The following RAB2A variants were observed in gnomAD, a reference collection of about 807,000 sequenced individuals.
RAB2A encodes the protein ras-related protein Rab-2A.
A neutral mutation model predicts 32.5 loss-of-function variants in RAB2A; 7 were observed. The observed-to-expected ratio is 0.22, with a 90% CI of 0.12 to 0.40. RAB2A has a LOEUF of 0.40. Among genes scored for constraint, RAB2A ranks in the 10% least tolerant of loss-of-function variants. The probability of loss-of-function intolerance (pLI) is 1.00; values close to 1 mark genes in which losing one functional copy is unlikely to be tolerated. For synonymous variants in RAB2A, 79 were observed against 85.2 expected, an observed-to-expected ratio of 0.93 and a Z score of 0.40; for missense variants, 108 against 260.7, an observed-to-expected ratio of 0.41 and a Z score of 4.03.
chr8:60,584,916 C>A, intron 5 of RAB2A, 101 bp downstream of exon 5: 1 of 762,722 alleles, frequency 1.3e-6, no homozygotes. Context: ...AGTTACCAGC[C>A]TCTTAAATTA....
chr8:60,548,866 G>A (rs1257195280), intron 1 of RAB2A, among the ~76,000 whole-genome samples: 7 of 151,094 alleles, frequency 4.6e-5, no homozygotes, highest in Admixed American at 6.6e-5. Flanking sequence ...GGGCAGAGAC[G>A]CTCCTCACTT....
intron 6 of RAB2A, among the ~76,000 whole-genome samples, chr8:60,606,951 G>A (rs747235539): frequency 5.9e-5 from 9 of 152,148 alleles, no homozygotes; most frequent in African/African-American, 1.7e-4. Context: ...CGGGGGATGC[G>A]TAACATCTCT....
chr8:60,561,524 A>G (rs1174589480), intron 2 of RAB2A, among the ~76,000 whole-genome samples: 3 of 152,030 alleles, frequency 2.0e-5, no homozygotes, highest in Non-Finnish European at 4.4e-5. Flanking sequence ...ATTGTCTCCC[A>G]TTCTCTTCTC....
intron 3 of RAB2A, among the ~76,000 whole-genome samples, chr8:60,575,255 C>G (rs1808255275): frequency 6.6e-6 from 1 of 152,032 alleles, no homozygotes; most frequent in Non-Finnish European, 1.5e-5. Flanking sequence ...CATGCCACCA[C>G]ATGCAGCTAA....
Position 60,602,265 on chromosome 8 carries a change from C to T in RAB2A, c.474+10296C>T, listed in dbSNP as rs16920083. Among the ~76,000 whole-genome samples the T allele has an allele frequency of 4.3e-3, 657 of 152,214 alleles. 4 individuals are homozygous for T. The highest frequency in any genetic ancestry group is 0.015 in the African/African-American group (616 of 41,528). ...ATCATCTAGTTTTAGAAGTTACCAC[C>T]GTGTAGACATTTTGAGTCTTATATC... is the stretch of plus-strand genomic sequence containing the variant. On this transcript the variant is annotated intron_variant, in intron 6 of 7. Transcript: ENST00000262646.
At chr8:60,541,982 A>T (rs191907990) in intron 1 of RAB2A, among the ~76,000 whole-genome samples, 6 of 152,322 alleles carry the variant, frequency 3.9e-5, no homozygotes. Context: ...TCACAGGCAG[A>T]AAATGTTCAT....
intron 5 of RAB2A, among the ~76,000 whole-genome samples, chr8:60,589,961 C>CT (rs762475949): frequency 0.028 from 4,130 of 148,830 alleles, 86 homozygotes; most frequent in Non-Finnish European, 0.046. Flanking sequence ...TATATTGTTT[C>CT]TTTTTTTTTT....
intron 6 of RAB2A, among the ~76,000 whole-genome samples, chr8:60,609,625 C>T (rs1804301370): frequency 6.6e-6 from 1 of 152,050 alleles, no homozygotes; most frequent in Admixed American, 6.6e-5. Flanking sequence ...AGAATTCTGT[C>T]CTAAACCTTA....
intron 3 of RAB2A, among the ~76,000 whole-genome samples, chr8:60,580,975 C>T (rs1803740017): frequency 6.6e-6 from 1 of 152,126 alleles, no homozygotes; most frequent in Non-Finnish European, 1.5e-5. Context: ...GAGCTATAAA[C>T]CTGATTTTTA....
At chr8:60,585,785 A>G (rs1192149221) in intron 5 of RAB2A, among the ~76,000 whole-genome samples, 1 of 152,220 alleles carries the variant, frequency 6.6e-6, no homozygotes, top group African/African-American at 2.4e-5. Flanking sequence ...AACTCAAATT[A>G]CTATACATTG....
chr8:60,621,600 C>G lies in RAB2A; in HGVS notation c.*831C>G, dbSNP rs1171624780. 6.6e-6 allele frequency: 1 copy of G among 152,192 alleles called. No individual in the cohort carries two copies. Among genetic ancestry groups the G allele is most frequent in the Non-Finnish European group, 1.5e-5 (1 of 68,020 alleles). The allele number at this position is 152,192 out of a possible 1,614,324, so 9.4% of individuals were successfully genotyped here. A position where few individuals can be genotyped will look rare whatever the true frequency, so the allele number is the denominator to read the frequency against. On this transcript the variant is annotated 3_prime_UTR_variant, in exon 8 of 8. Coordinates refer to ENST00000262646, the MANE Select transcript of RAB2A (RefSeq NM_002865.3). ...TGAAAAGGGCAGAAGCAAGAAATTTCTACATCTTAGCGACTCCAAGAAGAA... is the reference window on the plus strand; with the variant it reads ...TGAAAAGGGCAGAAGCAAGAAATTTGTACATCTTAGCGACTCCAAGAAGAA...
intron 3 of RAB2A, among the ~76,000 whole-genome samples, chr8:60,583,368 A>G (rs765968797): frequency 6.6e-5 from 10 of 152,064 alleles, no homozygotes; most frequent in African/African-American, 2.4e-4. Context: ...AAACTCAGAC[A>G]GAACAGTCAC....
intron 5 of RAB2A, among the ~76,000 whole-genome samples, chr8:60,586,745 A>G (rs1434930606): frequency 6.6e-6 from 1 of 151,948 alleles, no homozygotes; most frequent in Admixed American, 6.6e-5. Context: ...GCAAGACCCT[A>G]TCTCTACAAA....
At chr8:60,538,892 A>C (rs998662474) in intron 1 of RAB2A, among the ~76,000 whole-genome samples, 10 of 152,248 alleles carry the variant, frequency 6.6e-5, no homozygotes, top group African/African-American at 2.4e-4. Flanking sequence ...CTACCTTTTG[A>C]AAGGAAAATA....
At chr8:60,577,855 G>T (rs1803670330) in intron 3 of RAB2A, among the ~76,000 whole-genome samples, 1 of 140,288 alleles carries the variant, frequency 7.1e-6, no homozygotes, top group Non-Finnish European at 1.5e-5. Flanking sequence ...AGTTAGCCAG[G>T]ATGATCTTGA....
At chr8:60,540,354 G>A (rs1013501142) in intron 1 of RAB2A, among the ~76,000 whole-genome samples, 3 of 151,988 alleles carry the variant, frequency 2.0e-5, no homozygotes, top group Admixed American at 6.6e-5. Context: ...ACAGATGAGA[G>A]CTGGAATTAT....
chr8:60,534,061 C>G (rs761021351), intron 1 of RAB2A, among the ~76,000 whole-genome samples: 41 of 152,208 alleles, frequency 2.7e-4, no homozygotes, highest in Non-Finnish European at 5.1e-4. Context: ...CTGTCCCACC[C>G]TACAGAGAAG....
At chr8:60,525,928 G>A (rs1457564698) in intron 1 of RAB2A, among the ~76,000 whole-genome samples, 1 of 143,104 alleles carries the variant, frequency 7.0e-6, no homozygotes, top group Non-Finnish European at 1.5e-5. Context: ...AGAGAATAAA[G>A]ATATATATAT....
chr8:60,551,193 A>T (rs927020354), intron 1 of RAB2A, among the ~76,000 whole-genome samples: 4 of 152,098 alleles, frequency 2.6e-5, no homozygotes, highest in Non-Finnish European at 5.9e-5. Context: ...CCTGCAACTG[A>T]TTCTATTTCT....
Sources: allele counts gnomAD v4.1 joint callset (sites outside exome capture counted in the v4.1 genomes callset), GRCh38; gene constraint gnomAD v4.1.1; transcripts MANE v1.5; gene names NCBI Gene and HGNC (gene_info 2026-07-23, HGNC 2026-07-21).